AQP8: variants seen among roughly 807,000 people sequenced by gnomAD.
AQP8 encodes aquaporin 8.
A neutral mutation model predicts 26.1 loss-of-function variants in AQP8; 14 were observed. That is an observed-to-expected ratio of 0.54 (90% CI 0.35 to 0.84). The LOEUF (loss-of-function observed/expected upper bound fraction) is 0.84. Ranked by LOEUF, AQP8 falls within the 40% of genes least tolerant of loss-of-function variation. The probability of loss-of-function intolerance (pLI) is 0.01; values close to 1 mark genes in which losing one functional copy is unlikely to be tolerated. For missense variants in AQP8, 301 were observed against 340.5 expected, an observed-to-expected ratio of 0.88 and a Z score of 0.91; for synonymous variants, 131 against 150.7, an observed-to-expected ratio of 0.87 and a Z score of 0.96.
Position 25,217,245 on chromosome 16 carries a change from G to A in AQP8, c.60G>A (p.Pro20=), listed in dbSNP as rs139992979. Residue 20 remains proline (P), a synonymous_variant, in exon 2 of 6, where the codon CCG becomes CCA. Coordinates refer to ENST00000219660, the MANE Select transcript of AQP8 (RefSeq NM_001169.3). ...PEFGNDKARE[P]SVGGRWRVSW... ...TTGGCAATGACAAGGCCAGGGAGCC[G>A]AGCGTGGGTGGCAGGTGGCGAGTGT... The A allele has an allele frequency of 2.3e-3, 3,670 of 1,614,206 alleles. 37 individuals carry two copies. The African/African-American group carries it at 0.029, about 13-fold the overall frequency.
chr16:25,228,137 C>T (rs2141349159), intron 5 of AQP8, among the ~76,000 whole-genome samples: 1 of 151,842 alleles, frequency 6.6e-6, no homozygotes, highest in Middle Eastern at 3.4e-3. Flanking sequence ...TGTGGTGGTG[C>T]TTGTCTGTAG....
chr16:25,221,026 G>A (rs919059048), intron 2 of AQP8, among the ~76,000 whole-genome samples: 4 of 152,144 alleles, frequency 2.6e-5, no homozygotes, highest in African/African-American at 7.2e-5. Flanking sequence ...ACTGCAGCCC[G>A]CGCGACAGAG....
chr16:25,228,592 C>A lies in AQP8; in HGVS notation c.*100C>A, dbSNP rs929177920. On this transcript the variant is annotated 3_prime_UTR_variant, in exon 6 of 6. Coordinates refer to ENST00000219660, the MANE Select transcript of AQP8 (RefSeq NM_001169.3). ...CTGCATTTCCTGCCAGGGCAGAGGC[C>A]CAGAGGAGCGACCCCCTGCTTCCAC... The A allele has an allele frequency of 3.8e-6, 5 of 1,326,492 alleles. No individual in the cohort carries two copies. Among genetic ancestry groups the A allele is most frequent in the African/African-American group, 1.4e-5 (1 of 69,236 alleles). 82.2% of individuals were successfully genotyped at this position (1,326,492 alleles called of 1,614,324 possible). A position where few individuals can be genotyped will look rare whatever the true frequency, so the allele number is the denominator to read the frequency against.
chr16:25,221,646 G>A, intron 3 of AQP8, 63 bp downstream of exon 3: 2 of 1,598,842 alleles, frequency 1.3e-6, no homozygotes, highest in East Asian at 2.2e-5. Context: ...AGGTGCATAT[G>A]TGGGTGTGTG....
At position 25,228,394 on chromosome 16, in the gene AQP8, C is replaced by T. The variant is rs375385514; in HGVS notation, c.738-50C>T. The T allele has an allele frequency of 1.9e-6, 3 of 1,589,920 alleles. No individual in the cohort carries two copies. The African/African-American group carries it at 4.0e-5, about 21-fold the overall frequency. On this transcript the variant is annotated intron_variant, in intron 5 of 5. Transcript: ENST00000219660. The stretch of plus-strand genomic sequence containing the variant: ...CTGAGCCTGGAGACATGACGAAGGG[C>T]TGGGTCTCACCTCCGGGGCAGAGAC...
chr16:25,227,575 C>T (rs531271546), intron 5 of AQP8, among the ~76,000 whole-genome samples: 3 of 152,072 alleles, frequency 2.0e-5, no homozygotes, highest in Admixed American at 1.3e-4. Context: ...TTGCAACCTC[C>T]GCCCCCGGGT....
intron 5 of AQP8, among the ~76,000 whole-genome samples, chr16:25,227,554 A>G (rs1367653457): frequency 6.6e-6 from 1 of 151,806 alleles, no homozygotes; most frequent in Non-Finnish European, 1.5e-5. Flanking sequence ...CAGTGGTGTG[A>G]TTCTGGCTTA....
rs750434531 is a variant in AQP8 at position 25,217,029 on chromosome 16, T to C, written c.-17T>C. On this transcript the variant is annotated 5_prime_UTR_variant, in exon 1 of 6. Transcript: ENST00000219660. ...GCAGCTCAGGCAAGAGTCCGATGTT[T>C]GTGCCATCTGATCCTGATGTCTGGA... 11 of 1,613,886 alleles carry C rather than the reference T, an allele frequency of 6.8e-6. No individual in the cohort carries two copies. The Admixed American group carries it at 1.5e-4, about 22-fold the overall frequency.
rs1279743520 is a variant in AQP8, at chr16:25,228,646, G to C, written c.*154G>C. On this transcript the variant is annotated 3_prime_UTR_variant, in exon 6 of 6. Coordinates refer to ENST00000219660, the MANE Select transcript of AQP8 (RefSeq NM_001169.3). ...TTGGGCCTGCTTTCTCAGATAGACT[G>C]ACTGCTGAGGAGGCTCTAGGTTCTT... is the stretch of plus-strand genomic sequence containing the variant. 2.9e-6 allele frequency: 2 copies of C among 695,338 alleles called. No individual in the cohort carries two copies. The highest frequency in any genetic ancestry group is 4.9e-6 in the Non-Finnish European group (2 of 409,934). The allele number at this position is 695,338 out of a possible 1,614,324, so 43.1% of individuals were successfully genotyped here.
At chr16:25,226,987 A>G in intron 4 of AQP8, 81 bp from the exon 5 acceptor site, 3 of 1,597,174 alleles carry the variant, frequency 1.9e-6, no homozygotes, top group Non-Finnish European at 2.6e-6. Flanking sequence ...GTGTGTGACT[A>G]GGCCTAGTTG....
Position 25,228,823 on chromosome 16 carries a change from T to G in AQP8, c.*331T>G. 4.6e-6 allele frequency: 1 copy of G among 219,014 alleles called. No homozygotes were observed. Among genetic ancestry groups the G allele is most frequent in the Non-Finnish European group, 9.0e-6 (1 of 110,714 alleles). 13.6% of individuals were successfully genotyped at this position (219,014 alleles called of 1,614,324 possible). ...AGGCTGTTTCTGCACATCAGCTCAT[T>G]TCCCGCACCCCATTTCTTGCTTGAT... On this transcript the variant is annotated 3_prime_UTR_variant, in exon 6 of 6. Transcript: ENST00000219660.
chr16:25,221,385 A>G (rs1597628194), intron 2 of AQP8, 72 bp from the exon 3 acceptor site: 7 of 1,577,526 alleles, frequency 4.4e-6, no homozygotes, highest in Non-Finnish European at 4.3e-6. Context: ...GTTGGCTGGG[A>G]CACACTGTCT....
intron 3 of AQP8, among the ~76,000 whole-genome samples, chr16:25,223,355 G>A (rs1962588850): frequency 6.6e-6 from 1 of 152,202 alleles, no homozygotes. Flanking sequence ...GTCCTGTGGG[G>A]GCTTAGCAAT....
intron 1 of AQP8, 31 bp from the exon 2 acceptor site, chr16:25,217,167 C>T (rs754143780): frequency 2.5e-5 from 41 of 1,613,474 alleles, no homozygotes; most frequent in Non-Finnish European, 2.9e-5. Context: ...GCCTCCCACC[C>T]GTGTCCTCTG....
At chr16:25,222,093 TCTCA>T (rs1011036733) in intron 3 of AQP8, among the ~76,000 whole-genome samples, 10 of 150,994 alleles carry the variant, frequency 6.6e-5, no homozygotes, top group Non-Finnish European at 1.3e-4. Context: ...AGAGATAGGG[TCTCA>T]CTCTGTTGTC....
chr16:25,217,341 G>T lies in AQP8; in HGVS notation c.156G>T (p.Gly52=), dbSNP rs777551599. ...GCTCTGCTCTCTTCATCTTCATCGG[G>T]TGCCTGTCGGTCATTGAGAATGGGA... ...LLGSALFIFI[G]CLSVIENGTD... Residue 52 remains glycine (G), a synonymous_variant, in exon 2 of 6, where the codon GGG becomes GGT. Coordinates refer to ENST00000219660, the MANE Select transcript of AQP8 (RefSeq NM_001169.3). 1.9e-6 allele frequency: 3 copies of T among 1,614,142 alleles called. No individual in the cohort carries two copies. In the Admixed American group the frequency reaches 5.0e-5, roughly 27 times the overall value.
At chr16:25,222,675 GT>G (rs1437753066) in intron 3 of AQP8, among the ~76,000 whole-genome samples, 26 of 151,864 alleles carry the variant, frequency 1.7e-4, no homozygotes, top group African/African-American at 2.7e-4. Context: ...CTTGGTGTGT[GT>G]GTGGGGGGTG....
At chr16:25,218,021 T>C (rs1244656390) in intron 2 of AQP8, among the ~76,000 whole-genome samples, 1 of 152,208 alleles carries the variant, frequency 6.6e-6, no homozygotes, top group Non-Finnish European at 1.5e-5. Context: ...AGCCCCATTG[T>C]ACAGCTGCAA....
chr16:25,221,563 C>T lies in AQP8; in HGVS notation c.367C>T (p.Leu123Phe), dbSNP rs1962562957. Reference protein sequence around the residue: ...YWVSQLLGGMLGAALAKAVSP... With the variant: ...YWVSQLLGGMFGAALAKAVSP... The stretch of plus-strand genomic sequence containing the variant: ...GGTCTCACAGCTGCTCGGGGGGATG[C>T]TCGGGGCTGCCTTGGCCAAGGTGGG... Residue 123 changes from leucine to phenylalanine, a missense_variant, in exon 3 of 6, where the codon CTC becomes TTC. Leu to Phe is a conservative substitution (Grantham distance 22). Coordinates refer to ENST00000219660, the MANE Select transcript of AQP8 (RefSeq NM_001169.3). The T allele has an allele frequency of 6.2e-7, 1 of 1,613,920 alleles. No homozygotes were observed. The highest frequency in any genetic ancestry group is 1.3e-5 in the African/African-American group (1 of 74,896).
Sources: allele counts gnomAD v4.1 joint callset (sites outside exome capture counted in the v4.1 genomes callset), GRCh38; gene constraint gnomAD v4.1.1; transcripts MANE v1.5; gene names NCBI Gene and HGNC (gene_info 2026-07-23, HGNC 2026-07-21).